COP1: variants seen among roughly 807,000 people sequenced by gnomAD.
COP1 encodes COP1 E3 ubiquitin ligase, also known as E3 ubiquitin-protein ligase COP1.
COP1 carries 24 observed loss-of-function variants against 101.3 expected under a neutral mutation model. The ratio of observed to expected loss-of-function variants is 0.24; its 90% CI spans 0.17 to 0.33. The LOEUF is 0.33. COP1 is among the 10% of genes least tolerant of loss of function. The pLI is 1.00. For synonymous variants in COP1, 347 were observed against 341.9 expected, an observed-to-expected ratio of 1.01 and a Z score of -0.17; for missense variants, 663 against 906.2, an observed-to-expected ratio of 0.73 and a Z score of 3.45.
chr1:175,997,820 C>T (rs1226806000), intron 15 of COP1, among the ~76,000 whole-genome samples: 4 of 152,042 alleles, frequency 2.6e-5, no homozygotes, highest in African/African-American at 9.7e-5. Flanking sequence ...ACTAGTTCAA[C>T]CATTGTGAAA....
chr1:175,998,063 TAAA>T (rs57110017), intron 15 of COP1, among the ~76,000 whole-genome samples: 18,500 of 66,926 alleles, frequency 0.28, 1,168 homozygotes, highest in Admixed American at 0.3. Context: ...AGAGTATAAT[TAAA>T]AAAAAAAAAA....
chr1:175,982,734 C>T (rs1220009007), intron 18 of COP1, among the ~76,000 whole-genome samples: 2 of 152,258 alleles, frequency 1.3e-5, no homozygotes, highest in Non-Finnish European at 2.9e-5. Flanking sequence ...TTCAGCTTTA[C>T]ATGAACTTGG....
At chr1:176,098,454 C>T (rs75697563) in intron 9 of COP1, among the ~76,000 whole-genome samples, 4,977 of 152,000 alleles carry the variant, frequency 0.033, 117 homozygotes, top group Non-Finnish European at 0.047. Context: ...TTTAACAGAG[C>T]GAGACTCCAT....
At chr1:176,142,460 T>C (rs1409514715) in intron 6 of COP1, among the ~76,000 whole-genome samples, 2 of 152,108 alleles carry the variant, frequency 1.3e-5, no homozygotes, top group Non-Finnish European at 2.9e-5. Context: ...CCATATGCTA[T>C]CTATAAGAAA....
chr1:176,010,308 G>T (rs1029041810), intron 15 of COP1, among the ~76,000 whole-genome samples: 12 of 151,982 alleles, frequency 7.9e-5, no homozygotes, highest in African/African-American at 2.9e-4. Context: ...TCACACTCAA[G>T]AAAATTAATA....
intron 15 of COP1, among the ~76,000 whole-genome samples, chr1:176,006,404 G>T (rs1571608574): frequency 1.3e-5 from 2 of 152,118 alleles, no homozygotes; most frequent in South Asian, 4.1e-4. Flanking sequence ...ATGTTAGCTG[G>T]TTATTTTGCT....
intron 3 of COP1, among the ~76,000 whole-genome samples, chr1:176,166,687 A>C (rs907249058): frequency 1.3e-5 from 2 of 152,232 alleles, no homozygotes; most frequent in Admixed American, 6.5e-5. Context: ...CTATAATCCC[A>C]TTATTTAGGG....
At chr1:176,117,541 C>A (rs1686403293) in intron 8 of COP1, among the ~76,000 whole-genome samples, 1 of 152,202 alleles carries the variant, frequency 6.6e-6, no homozygotes, top group Admixed American at 6.6e-5. Context: ...ACATGACATA[C>A]ATACCAACCG....
chr1:176,054,315 C>A (rs560484111), intron 11 of COP1, among the ~76,000 whole-genome samples: 35 of 152,054 alleles, frequency 2.3e-4, no homozygotes, highest in African/African-American at 5.5e-4. Flanking sequence ...GCGTGCACCA[C>A]CATGCCCAGC....
At chr1:176,037,091 T>C (rs1396125786) in intron 14 of COP1, among the ~76,000 whole-genome samples, 5 of 152,044 alleles carry the variant, frequency 3.3e-5, no homozygotes, top group African/African-American at 1.2e-4. Context: ...CACTGACAAA[T>C]TCTACCAAAC....
At chr1:175,956,921 G>A (rs764979098) in intron 18 of COP1, among the ~76,000 whole-genome samples, 2 of 152,134 alleles carry the variant, frequency 1.3e-5, no homozygotes, top group East Asian at 3.9e-4. Flanking sequence ...GTAGAAGACA[G>A]TGATGTTGAT....
At chr1:176,162,349 C>T (rs1003803776) in intron 5 of COP1, among the ~76,000 whole-genome samples, 8 of 152,238 alleles carry the variant, frequency 5.3e-5, no homozygotes, top group Admixed American at 3.9e-4. Flanking sequence ...TCACATTTTA[C>T]GTCTTTAACA....
chr1:175,990,260 G>GT (rs1281329529), intron 15 of COP1, among the ~76,000 whole-genome samples: 1 of 152,010 alleles, frequency 6.6e-6, no homozygotes, highest in Non-Finnish European at 1.5e-5. Context: ...ATGTCTCAAA[G>GT]TAACTATTGT....
intron 5 of COP1, among the ~76,000 whole-genome samples, chr1:176,162,458 T>TACC (rs1694486380): frequency 6.6e-6 from 1 of 152,196 alleles, no homozygotes; most frequent in Non-Finnish European, 1.5e-5. Flanking sequence ...CTACTACTGC[T>TACC]ACCAATGGAC....
intron 14 of COP1, among the ~76,000 whole-genome samples, chr1:176,032,497 G>A (rs779377453): frequency 6.6e-6 from 1 of 152,086 alleles, no homozygotes; most frequent in African/African-American, 2.4e-5. Context: ...TGGAGGTCAA[G>A]AATCTCAGAG....
Position 176,144,833 on chromosome 1 carries a change from T to C in COP1, c.831+4173A>G, listed in dbSNP as rs537238499. On this transcript the variant is annotated intron_variant, in intron 6 of 19. Transcript: ENST00000367669. ...GCAGCTAGATATCCATATGAAAATA[T>C]CTCTATACCTCACATTATACACAAA... 2.0e-5 allele frequency among the ~76,000 whole-genome samples: 3 copies of C among 152,288 alleles called. No homozygotes were observed. The South Asian group carries it at 6.2e-4, about 32-fold the overall frequency.
chr1:176,041,353 C>CTTTTTTCT (rs1553234241), intron 14 of COP1, among the ~76,000 whole-genome samples: 1,496 of 144,122 alleles, frequency 0.01, 24 homozygotes, highest in South Asian at 0.017. Flanking sequence ...TTCTTTTTTT[C>CTTTTTTCT]TTTTTTTTTT....
intron 1 of COP1, among the ~76,000 whole-genome samples, chr1:176,195,615 T>C (rs926110332): frequency 6.6e-6 from 1 of 152,164 alleles, no homozygotes; most frequent in Admixed American, 6.5e-5. Context: ...ATACAAACTA[T>C]ATTAACTGAA....
chr1:176,039,363 T>C, intron 14 of COP1, among the ~76,000 whole-genome samples: 1 of 151,590 alleles, frequency 6.6e-6, no homozygotes, highest in Non-Finnish European at 1.5e-5. Flanking sequence ...AGATCTAAAA[T>C]CAATAATGTA....
Sources: allele counts gnomAD v4.1 joint callset (sites outside exome capture counted in the v4.1 genomes callset), GRCh38; gene constraint gnomAD v4.1.1; transcripts MANE v1.5; gene names NCBI Gene and HGNC (gene_info 2026-07-23, HGNC 2026-07-21).